DOCK2: variants seen among roughly 807,000 people sequenced by gnomAD.
The protein encoded by DOCK2 is dedicator of cytokinesis protein 2.
In DOCK2, 87 loss-of-function variants were observed where a neutral mutation model predicts 248.9. The observed-to-expected ratio is 0.35, with a 90% confidence interval of 0.29 to 0.42. The LOEUF (loss-of-function observed/expected upper bound fraction) is 0.42. DOCK2 is among the 10% of genes least tolerant of loss of function. The pLI, the probability that DOCK2 is intolerant of heterozygous loss-of-function variation, is 1.00. For missense variants in DOCK2, 1,747 were observed against 2,300.2 expected, an observed-to-expected ratio of 0.76 and a Z score of 4.92; for synonymous variants, 805 against 821.6, an observed-to-expected ratio of 0.98 and a Z score of 0.35.
intron 48 of DOCK2, 102 bp downstream of exon 48, chr5:170,077,939 T>G: frequency 2.0e-6 from 2 of 979,102 alleles, no homozygotes; most frequent in Non-Finnish European, 1.5e-6. Flanking sequence ...TACCTTTCCC[T>G]TCCTCCTTTC....
At chr5:169,810,883 C>T (rs771004796) in intron 26 of DOCK2, among the ~76,000 whole-genome samples, 4 of 151,848 alleles carry the variant, frequency 2.6e-5, no homozygotes, top group South Asian at 2.1e-4. Flanking sequence ...ATTCCACATG[C>T]CCCCCACCCC....
intron 44 of DOCK2, among the ~76,000 whole-genome samples, chr5:170,066,044 T>C (rs1206295593): frequency 2.0e-5 from 3 of 148,720 alleles, no homozygotes; most frequent in Admixed American, 6.8e-5. Context: ...CTCCGCCTCC[T>C]GGGCTCATGC....
intron 27 of DOCK2, among the ~76,000 whole-genome samples, chr5:169,930,886 C>A (rs1254807629): frequency 6.6e-6 from 1 of 152,168 alleles, no homozygotes; most frequent in African/African-American, 2.4e-5. Context: ...ATTAGCCATA[C>A]ACATAAATAC....
chr5:169,718,663 G>T lies in DOCK2; in HGVS notation c.2139G>T (p.Leu713Phe). 1.2e-6 allele frequency: 2 copies of T among 1,611,744 alleles called. No homozygotes were observed. The highest frequency in any genetic ancestry group is 1.7e-6 in the Non-Finnish European group (2 of 1,178,710). The change falls in exon 22 of 52, where the codon TTG becomes TTT. Residue 713 changes from leucine to phenylalanine, a missense_variant. Leu to Phe is a conservative substitution (Grantham distance 22). This residue lies in a region of DOCK2 where 858 missense variants were observed against 1,183.5 expected (regional missense o/e 0.72). Coordinates refer to ENST00000520908, the MANE Select transcript of DOCK2 (RefSeq NM_004946.3). ...AATATTATCCCTTATTCAGGAAATT[G>T]ATGACAGTGCTGAAGACTTACTTGG... ...HFSATLAYKK[L>F]MTVLKTYLDT...
chr5:169,866,812 A>G (rs1250255887), intron 27 of DOCK2, among the ~76,000 whole-genome samples: 2 of 152,218 alleles, frequency 1.3e-5, no homozygotes, highest in Non-Finnish European at 2.9e-5. Context: ...CACAACAACC[A>G]TCAACACAGA....
chr5:169,954,964 C>T (rs963904918), intron 27 of DOCK2, among the ~76,000 whole-genome samples: 9 of 152,200 alleles, frequency 5.9e-5, no homozygotes, highest in African/African-American at 1.4e-4. Context: ...AGGAATCAAT[C>T]GCAGACTGTG....
At chr5:169,706,506 C>T (rs1188083008) in intron 14 of DOCK2, among the ~76,000 whole-genome samples, 1 of 152,154 alleles carries the variant, frequency 6.6e-6, no homozygotes, top group East Asian at 1.9e-4. Flanking sequence ...TCAGAGGTGG[C>T]TATGAGGACT....
At chr5:170,081,797 CT>C in intron 50 of DOCK2, 44 bp from the exon 51 acceptor site, 1 of 1,561,508 alleles carries the variant, frequency 6.4e-7, no homozygotes, top group East Asian at 2.3e-5. Context: ...GGCACTGCCC[CT>C]CCTCTACCCA....
In DOCK2 at chr5:169,718,516, T is replaced by A. The variant is rs1762021402; in HGVS notation, c.2133-141T>A. 16 of 820,950 alleles carry A rather than the reference T, an allele frequency of 1.9e-5. No homozygotes were observed. The South Asian group carries it at 4.6e-4, about 24-fold the overall frequency. The allele number at this position is 820,950 out of a possible 1,614,324, so 50.9% of individuals were successfully genotyped here. ...TAATAAATATAATTTTTATGCAGAG[T>A]TATCTTTATGCTTACAAATGAGTAA... On this transcript the variant is annotated intron_variant, in intron 21 of 51. Transcript: ENST00000520908.
Position 169,723,647 on chromosome 5 carries a change from T to G in DOCK2, c.2267+4856T>G, listed in dbSNP as rs964305977. Among the ~76,000 whole-genome samples, 3 of 152,314 alleles carry G rather than the reference T, an allele frequency of 2.0e-5. 1 individual carries two copies. The South Asian group carries it at 6.2e-4, about 32-fold the overall frequency. On this transcript the variant is annotated intron_variant, in intron 22 of 51. Coordinates refer to ENST00000520908, the MANE Select transcript of DOCK2 (RefSeq NM_004946.3). ...AGCTCCTTCCTTCCTTGAAGACCTT[T>G]GCACCCTTCCCCAGATCCATTTGTT...
intron 24 of DOCK2, among the ~76,000 whole-genome samples, chr5:169,760,883 T>C (rs1361028893): frequency 7.2e-5 from 11 of 152,196 alleles, no homozygotes; most frequent in African/African-American, 2.7e-4. Context: ...ATACAATAAG[T>C]TTATTTTGGA....
At chr5:169,686,216 G>A (rs551278680) in intron 8 of DOCK2, among the ~76,000 whole-genome samples, 25 of 152,336 alleles carry the variant, frequency 1.6e-4, no homozygotes, top group Non-Finnish European at 2.6e-4. Flanking sequence ...AGAAGCAACC[G>A]AGAGGAAACA....
At chr5:169,883,876 A>G in intron 27 of DOCK2, 3 of 1,511,340 alleles carry the variant, frequency 2.0e-6, no homozygotes, top group Non-Finnish European at 1.8e-6. Flanking sequence ...CACAGGTCTC[A>G]CTTTCATATT....
intron 33 of DOCK2, among the ~76,000 whole-genome samples, chr5:170,022,817 G>A (rs1191694199): frequency 6.6e-6 from 1 of 152,206 alleles, no homozygotes; most frequent in African/African-American, 2.4e-5. Flanking sequence ...CCTGTCAAGT[G>A]CCTGAGATGC....
intron 26 of DOCK2, among the ~76,000 whole-genome samples, chr5:169,832,728 G>A (rs1769307907): frequency 6.6e-6 from 1 of 152,158 alleles, no homozygotes; most frequent in South Asian, 2.1e-4. Context: ...CTAGGTGTTT[G>A]TGGTAGTTTC....
At chr5:169,880,525 T>G (rs954561272) in intron 27 of DOCK2, among the ~76,000 whole-genome samples, 1 of 152,254 alleles carries the variant, frequency 6.6e-6, no homozygotes, top group African/African-American at 2.4e-5. Context: ...CGGAAATTAC[T>G]GCTTTTGACC....
chr5:169,996,097 G>A lies in DOCK2; in HGVS notation c.3005G>A (p.Arg1002Lys). 1 of 1,614,000 alleles carries A rather than the reference G, an allele frequency of 6.2e-7. No homozygotes were observed. Residue 1002 changes from arginine (R) to lysine (K), a missense_variant, in exon 30 of 52, where the codon AGA becomes AAA. Coordinates refer to ENST00000520908, the MANE Select transcript of DOCK2 (RefSeq NM_004946.3). ...CTGCCCTCTTCCAGGGTCTTCCTGA[G>A]AGCTATCAACAAGTTTGCAGAAACC... ...MSMVQNRVFL[R>K]AINKFAETMN...
At chr5:170,081,570 T>G in intron 50 of DOCK2, 1 of 456,608 alleles carries the variant, frequency 2.2e-6, no homozygotes, top group Admixed American at 3.9e-5. Context: ...AGGTTCTGTT[T>G]CCTGGGGATG....
At chr5:169,870,530 A>G (rs1057445955) in intron 27 of DOCK2, among the ~76,000 whole-genome samples, 4 of 152,202 alleles carry the variant, frequency 2.6e-5, no homozygotes, top group Non-Finnish European at 5.9e-5. Flanking sequence ...TCAGTTGTAT[A>G]TAACTTTTGA....
Sources: gnomAD v4.1 joint callset for allele counts (sites outside exome capture counted in the v4.1 genomes callset) on GRCh38, gnomAD v4.1.1 for gene constraint, gnomAD v4.1.1 regional missense constraint, MANE v1.5 for transcripts, NCBI Gene and HGNC (gene_info 2026-07-23, HGNC 2026-07-21) for gene names.